Variants in TTN observed in about 807,000 individuals in gnomAD.
TTN encodes titin.
Under a neutral mutation model 3,223.0 loss-of-function variants are expected in TTN, and 1,525 were observed. The ratio of observed to expected loss-of-function variants is 0.47; its 90% CI spans 0.45 to 0.49. The LOEUF is 0.49. TTN is among the 20% of genes least tolerant of loss of function. The pLI, the probability that TTN is intolerant of heterozygous loss-of-function variation, is 0.00. For synonymous variants in TTN, 14,094 were observed against 15,161.0 expected, an observed-to-expected ratio of 0.93 and a Z score of 5.17; for missense variants, 40,786 against 43,424.0, an observed-to-expected ratio of 0.94 and a Z score of 5.40.
Position 178,557,742 on chromosome 2 carries a change from T to C in TTN, c.87612A>G (p.Thr29204=). 6.2e-7 allele frequency: 1 copy of C among 1,613,998 alleles called. No homozygotes were observed. Residue 29204 remains threonine, a synonymous_variant, in exon 328 of 363, where the codon ACA becomes ACG. Transcript: ENST00000589042. The stretch of plus-strand genomic sequence containing the variant: ...TGATGCGGAATTGGTATTCTTCTCC[T>C]GTGGTCAGTTTCATGACTTTCATCA... ...RTMMKVMKLT[T]GEEYQFRIKA...
chr2:178,653,139 G>C lies in TTN; in HGVS notation c.38792-15C>G. 6.2e-7 allele frequency: 1 copy of C among 1,608,912 alleles called. No homozygotes were observed. The highest frequency in any genetic ancestry group is 1.1e-5 in the South Asian group (1 of 90,662). On this transcript the variant is annotated splice_polypyrimidine_tract_variant and intron_variant, in intron 198 of 362. Transcript: ENST00000589042. ...AGCCTCTGGCACTTAAAAGATATTA[G>C]GTAAAATTACATTTAGGGGTTATGA...
chr2:178,717,696 C>A lies in TTN; in HGVS notation c.25178G>T (p.Trp8393Leu). ...INGSEPLQVSWYKDGVLLKDD... is the reference protein window; with the variant it reads ...INGSEPLQVSLYKDGVLLKDD... The stretch of plus-strand genomic sequence containing the variant: ...TTTCAAAAGAACCCCATCCTTGTAC[C>A]AAGACACTTGAAGAGGTTCTGAGCC... The change falls in exon 87 of 363, where the codon TGG becomes TTG. Residue 8393 changes from tryptophan to leucine, a missense_variant. Transcript: ENST00000589042. The A allele has an allele frequency of 6.2e-7, 1 of 1,613,420 alleles. No homozygotes were observed. Among genetic ancestry groups the A allele is most frequent in the Admixed American group, 1.7e-5 (1 of 59,978 alleles).
At chr2:178,722,633 T>G (rs757827223) in intron 76 of TTN, 26 bp downstream of exon 76, 1 of 1,593,030 alleles carries the variant, frequency 6.3e-7, no homozygotes, top group Non-Finnish European at 8.5e-7. Flanking sequence ...AAAAAAGAAT[T>G]TTTTTAATTT....
At position 178,632,426 on chromosome 2, in the gene TTN, AAAAG is replaced by A. The variant is rs750300288; in HGVS notation, c.43481-17_43481-14del. On this transcript the variant is annotated splice_polypyrimidine_tract_variant and intron_variant, in intron 235 of 362. Coordinates refer to ENST00000589042, the MANE Select transcript of TTN (RefSeq NM_001267550.2). Reference sequence around the variant, plus strand: ...TTGAGCCGGATTCCTATCAAGAAAAAAAAGAAAGAACTTATTAATTGAAGCACTT... The same window carrying A: ...TTGAGCCGGATTCCTATCAAGAAAAAAAAGAACTTATTAATTGAAGCACTT... 5.1e-6 allele frequency: 8 copies of A among 1,573,814 alleles called. No homozygotes were observed. Among genetic ancestry groups the A allele is most frequent in the South Asian group, 1.2e-5 (1 of 83,698 alleles).
At position 178,619,783 on chromosome 2, in the gene TTN, A is replaced by G; in HGVS notation, c.46534T>C (p.Trp15512Arg). 6.2e-7 allele frequency: 1 copy of G among 1,612,402 alleles called. No homozygotes were observed. The highest frequency in any genetic ancestry group is 8.5e-7 in the Non-Finnish European group (1 of 1,178,920). The part of the protein sequence containing the change: ...ELNKDKVEVQ[W>R]LRNNMVVVQG... ...ACAACAACCATGTTATTTCTTAGCC[A>G]TTGGACTTCCACCTTATCTTTATTG... Residue 15512 changes from tryptophan to arginine, a missense_variant, in exon 250 of 363, where the codon TGG becomes CGG. Coordinates refer to ENST00000589042, the MANE Select transcript of TTN (RefSeq NM_001267550.2).
At position 178,617,418 on chromosome 2, in the gene TTN, G is replaced by C; in HGVS notation, c.47667C>G (p.Ser15889Arg). ...GCTCAATTATATAGCCTAATATTGG[G>C]CTTCCTCCATCTTTCAGAGGAGGTT... is the stretch of plus-strand genomic sequence containing the variant. Reference protein sequence around the residue: ...KWEPPLKDGGSPILGYIIERC... With the variant: ...KWEPPLKDGGRPILGYIIERC... Residue 15889 changes from serine to arginine, a missense_variant, in exon 254 of 363, where the codon AGC becomes AGG. Coordinates refer to ENST00000589042, the MANE Select transcript of TTN (RefSeq NM_001267550.2). 6.3e-7 allele frequency: 1 copy of C among 1,592,586 alleles called. No individual in the cohort carries two copies. The highest frequency in any genetic ancestry group is 8.5e-7 in the Non-Finnish European group (1 of 1,172,864).
In TTN at chr2:178,570,201, G is replaced by A; in HGVS notation, c.75931C>T (p.Pro25311Ser). The change falls in exon 326 of 363, where the codon CCA (proline) becomes TCA (serine). Residue 25311 changes from proline to serine, a missense_variant. Physicochemically the swap from Pro to Ser is moderately conservative, Grantham distance 74. Transcript: ENST00000589042. ...TCCTTGGTCACTGTTGTGACTTCTG[G>A]AGCTTTTGGTGCATCTGGTACTACA... ...PFVVPDAPKA[P>S]EVTTVTKDSM... The A allele has an allele frequency of 6.2e-7, 1 of 1,613,388 alleles. No individual in the cohort carries two copies. The highest frequency in any genetic ancestry group is 8.5e-7 in the Non-Finnish European group (1 of 1,179,592).
At position 178,730,704 on chromosome 2, in the gene TTN, A is replaced by T. The variant is rs1434925770; in HGVS notation, c.17829T>A (p.Ala5943=). Residue 5943 remains alanine, a synonymous_variant, in exon 61 of 363, where the codon GCT becomes GCA. Transcript: ENST00000589042. ...GSFIDLECIV[A]GSHPISIQWF... ...ACTGGATGCTTATGGGATGTGACCC[A>T]GCCACTATACATTCTAAATCAATGA... is the stretch of plus-strand genomic sequence containing the variant. 2 of 1,613,556 alleles carry T rather than the reference A, an allele frequency of 1.2e-6. No homozygotes were observed. The highest frequency in any genetic ancestry group is 1.7e-6 in the Non-Finnish European group (2 of 1,179,698).
intron 58 of TTN, 54 bp from the exon 59 acceptor site, chr2:178,731,637 A>C: frequency 1.3e-6 from 2 of 1,566,958 alleles, no homozygotes; most frequent in East Asian, 4.5e-5. Flanking sequence ...AAAGTGGCTT[A>C]AAAAAAAGAA....
chr2:178,639,987 C>T, intron 222 of TTN, 61 bp downstream of exon 222: 1 of 1,574,716 alleles, frequency 6.4e-7, no homozygotes, highest in Non-Finnish European at 8.7e-7. Flanking sequence ...TTATTAAGTA[C>T]ATGTTATGTG....
rs2059958378 is a variant in TTN, at chr2:178,632,764, G to A, written c.43242C>T (p.Leu14414=). 6.2e-7 allele frequency: 1 copy of A among 1,612,884 alleles called. No individual in the cohort carries two copies. The highest frequency in any genetic ancestry group is 1.1e-5 in the South Asian group (1 of 91,056). ...KELPLIFITP[L]SDVKVFEKDE... Reference sequence around the variant, plus strand: ...CTTTCTCGAAGACTTTAACATCACTGAGAGGTGTGATGAAGATAAGAGGCA... The same window carrying A: ...CTTTCTCGAAGACTTTAACATCACTAAGAGGTGTGATGAAGATAAGAGGCA... Residue 14414 remains leucine, a synonymous_variant, in exon 235 of 363, where the codon CTC becomes CTT. Coordinates refer to ENST00000589042, the MANE Select transcript of TTN (RefSeq NM_001267550.2).
intron 349 of TTN, 187 bp downstream of exon 349, chr2:178,542,077 G>C (rs1575393803): frequency 1.9e-6 from 1 of 532,996 alleles, no homozygotes; most frequent in South Asian, 4.1e-5. Context: ...GCCTAAGTGT[G>C]TTGAAAACCT....
intron 237 of TTN, 31 bp from the exon 238 acceptor site, chr2:178,630,974 T>C: frequency 1.9e-6 from 3 of 1,611,882 alleles, no homozygotes; most frequent in Non-Finnish European, 2.5e-6. Flanking sequence ...CATGGGTCAT[T>C]AGCCTCTGGC....
intron 95 of TTN, 43 bp from the exon 96 acceptor site, chr2:178,712,265 G>A (rs769352530): frequency 6.2e-7 from 1 of 1,608,686 alleles, no homozygotes; most frequent in Non-Finnish European, 8.5e-7. Flanking sequence ...AAGGAGACAT[G>A]CCAGATCATC....
At chr2:178,627,072 T>C (rs2059159485) in intron 240 of TTN, among the ~76,000 whole-genome samples, 1 of 151,998 alleles carries the variant, frequency 6.6e-6, no homozygotes, top group South Asian at 2.1e-4. Flanking sequence ...TAAAAATATT[T>C]ATTTATAGTG....
chr2:178,581,653 C>T lies in TTN; in HGVS notation c.66615G>A (p.Arg22205=). The T allele has an allele frequency of 6.2e-7, 1 of 1,612,782 alleles. No individual in the cohort carries two copies. The highest frequency in any genetic ancestry group is 8.5e-7 in the Non-Finnish European group (1 of 1,179,290). Residue 22205 remains arginine, a synonymous_variant, in exon 316 of 363, where the codon AGG becomes AGA. Coordinates refer to ENST00000589042, the MANE Select transcript of TTN (RefSeq NM_001267550.2). ...VKRADSDNWV[R]CNLPQNLQKT... is the part of the protein sequence containing the mutation. Reference sequence around the variant, plus strand: ...TCTGTAGATTCTGTGGTAAGTTGCACCTCACCCAGTTATCGGAGTCAGCCC... The same window carrying T: ...TCTGTAGATTCTGTGGTAAGTTGCATCTCACCCAGTTATCGGAGTCAGCCC...
chr2:178,732,624 G>A lies in TTN; in HGVS notation c.16437C>T (p.Leu5479=). The A allele has an allele frequency of 6.2e-7, 1 of 1,613,518 alleles. No individual in the cohort carries two copies. The highest frequency in any genetic ancestry group is 1.7e-5 in the Admixed American group (1 of 59,964). Residue 5479 remains leucine (L), a synonymous_variant, in exon 56 of 363, where the codon CTC becomes CTT. Transcript: ENST00000589042. ...LKSTFQGSTP[L]TIRWFKGNKE... ...TGTTGCCCTTAAACCATCTGATTGT[G>A]AGAGGAGTAGATCCTTGGAAAGTGC...
At position 178,653,291 on chromosome 2, in the gene TTN, T is replaced by A. The variant is rs2063458982; in HGVS notation, c.38738A>T (p.Glu12913Val). 1 of 1,612,292 alleles carries A rather than the reference T, an allele frequency of 6.2e-7. No homozygotes were observed. The highest frequency in any genetic ancestry group is 8.5e-7 in the Non-Finnish European group (1 of 1,179,516). ...VPEAPKEVVL[E>V]KKVPLAPPKK... ...AGGAGGAGCCAAGGGCACTTTCTTT[T>A]CAAGGACAACTTCTTTGGGAGCCTC... Residue 12913 changes from glutamate (E) to valine (V), a missense_variant, in exon 198 of 363, where the codon GAA (glutamate) becomes GTA (valine). Glu to Val is a moderately radical substitution (Grantham distance 121, BLOSUM62 -2). Transcript: ENST00000589042.
Position 178,531,068 on chromosome 2 carries a change from T to C in TTN, c.105547A>G (p.Lys35183Glu). The change falls in exon 358 of 363, where the codon AAA (lysine) becomes GAA (glutamate). Residue 35183 changes from lysine to glutamate, a missense_variant. Coordinates refer to ENST00000589042, the MANE Select transcript of TTN (RefSeq NM_001267550.2). ...ARHQVTTTKYKSTFEISSVQA... is the reference protein window; with the variant it reads ...ARHQVTTTKYESTFEISSVQA... The stretch of plus-strand genomic sequence containing the variant: ...ACTGAAGAGATCTCAAAGGTTGATT[T>C]GTACTTTGTGGTGGTCACTTGGTGG... The C allele has an allele frequency of 6.8e-6, 11 of 1,613,996 alleles. No homozygotes were observed. The highest frequency in any genetic ancestry group is 9.3e-6 in the Non-Finnish European group (11 of 1,179,880).
Sources: gnomAD v4.1 joint callset for allele counts (sites outside exome capture counted in the v4.1 genomes callset) on GRCh38, gnomAD v4.1.1 for gene constraint, MANE v1.5 for transcripts, NCBI Gene and HGNC (gene_info 2026-07-23, HGNC 2026-07-21) for gene names.